SDHAF3: variants seen among roughly 807,000 people sequenced by gnomAD.
SDHAF3 encodes the protein succinate dehydrogenase complex assembly factor 3, also known as succinate dehydrogenase assembly factor 3, mitochondrial.
A neutral mutation model predicts 11.5 loss-of-function variants in SDHAF3; 18 were observed. The ratio of observed to expected loss-of-function variants is 1.56; its 90% CI spans 1.08 to 2.32. The LOEUF (loss-of-function observed/expected upper bound fraction) is 2.32, where lower values mean the gene tolerates loss of function less well. Among genes scored for constraint, SDHAF3 ranks in the 30% most tolerant of loss-of-function variants. The probability of loss-of-function intolerance (pLI) is 0.00; values close to 1 mark genes in which losing one functional copy is unlikely to be tolerated. For synonymous variants in SDHAF3, 72 were observed against 59.3 expected (o/e 1.21, Z -0.99); for missense variants, 200 against 154.4 (o/e 1.30, Z -1.57).
At chr7:97,178,184 A>G (rs1789714508) in intron 1 of SDHAF3, among the ~76,000 whole-genome samples, 1 of 152,214 alleles carries the variant, frequency 6.6e-6, no homozygotes, top group Non-Finnish European at 1.5e-5. Flanking sequence ...GCTTCTTAGC[A>G]TAATCTTTTT....
intron 1 of SDHAF3, among the ~76,000 whole-genome samples, chr7:97,134,413 CT>C (rs1324377664): frequency 6.6e-6 from 1 of 152,138 alleles, no homozygotes; most frequent in Non-Finnish European, 1.5e-5. Flanking sequence ...TCATTAAATG[CT>C]TTTATAAGAC....
At chr7:97,134,357 G>C (rs1584212713) in intron 1 of SDHAF3, among the ~76,000 whole-genome samples, 3 of 152,172 alleles carry the variant, frequency 2.0e-5, no homozygotes, top group Non-Finnish European at 4.4e-5. Context: ...GATTACTGGT[G>C]AATAACCAGA....
In SDHAF3 at chr7:97,181,341, A is replaced by G. The variant is rs1410081216; in HGVS notation, c.*126A>G. 1 of 698,524 alleles carries G rather than the reference A, an allele frequency of 1.4e-6. No homozygotes were observed. The highest frequency in any genetic ancestry group is 2.3e-6 in the Non-Finnish European group (1 of 427,336). The allele number at this position is 698,524 out of a possible 1,614,324, so 43.3% of individuals were successfully genotyped here. On this transcript the variant is annotated 3_prime_UTR_variant, in exon 2 of 2. Transcript: ENST00000432641. ...TTAATGAAATACTCTTTTATTTTGG[A>G]TATTATGATTGCAGTATATGGATCA...
intron 1 of SDHAF3, among the ~76,000 whole-genome samples, chr7:97,140,282 A>G (rs1407704520): frequency 6.6e-6 from 1 of 151,810 alleles, no homozygotes; most frequent in Admixed American, 6.6e-5. Flanking sequence ...TAATTCTTCA[A>G]ATGGTAAGAA....
intron 1 of SDHAF3, among the ~76,000 whole-genome samples, chr7:97,157,092 G>A (rs776757746): frequency 1.6e-4 from 24 of 152,034 alleles, no homozygotes; most frequent in Non-Finnish European, 1.5e-5. Flanking sequence ...TACGAATTCT[G>A]TTATTTTTCC....
Position 97,121,943 on chromosome 7 carries a change from C to T in SDHAF3, c.174+4046C>T, listed in dbSNP as rs376584748. On this transcript the variant is annotated intron_variant, in intron 1 of 1. Coordinates refer to ENST00000432641, the MANE Select transcript of SDHAF3 (RefSeq NM_020186.3). ...CGTGATCTCAGCTTACTGCAAACTC[C>T]GCCTCCCAGGTTCATGCCATTCTCC... Among the ~76,000 whole-genome samples the T allele has an allele frequency of 1.1e-3, 162 of 151,446 alleles. 1 individual carries two copies. The South Asian group carries it at 0.022, about 21-fold the overall frequency.
At position 97,127,478 on chromosome 7, in the gene SDHAF3, T is replaced by C. The variant is rs533028539; in HGVS notation, c.174+9581T>C. Among the ~76,000 whole-genome samples the C allele has an allele frequency of 7.9e-5, 12 of 152,320 alleles. 1 individual carries two copies. In the South Asian group the frequency reaches 2.5e-3, roughly 32 times the overall value. ...GGTAGCCATTCCTTTGTAACTCTCA[T>C]GGGATGTCTTTTTCTTATATATGAT... is the stretch of plus-strand genomic sequence containing the variant. On this transcript the variant is annotated intron_variant, in intron 1 of 1. Transcript: ENST00000432641.
chr7:97,177,194 A>C (rs1196180517), intron 1 of SDHAF3, among the ~76,000 whole-genome samples: 3 of 152,200 alleles, frequency 2.0e-5, no homozygotes, highest in Admixed American at 6.5e-5. Flanking sequence ...ATTAAAATTC[A>C]TAAAACTTTA....
intron 1 of SDHAF3, among the ~76,000 whole-genome samples, chr7:97,138,928 C>T (rs1788975586): frequency 6.6e-6 from 1 of 152,214 alleles, no homozygotes; most frequent in Admixed American, 6.5e-5. Context: ...CTGGCTTGCA[C>T]TCTGGCCCAG....
At chr7:97,135,579 A>G (rs78913221) in intron 1 of SDHAF3, 8,242 of 115,868 alleles carry the variant, frequency 0.071, 611 homozygotes, top group East Asian at 0.32. Flanking sequence ...GCTAGTCCCC[A>G]TATGTGTGTG....
chr7:97,132,169 C>T (rs545434212), intron 1 of SDHAF3, among the ~76,000 whole-genome samples: 1 of 152,244 alleles, frequency 6.6e-6, no homozygotes, highest in African/African-American at 2.4e-5. Flanking sequence ...TCACAAAGGA[C>T]TTGAGGCAGA....
Position 97,178,001 on chromosome 7 carries a change from G to A in SDHAF3, c.175-3011G>A, listed in dbSNP as rs182916343. Among the ~76,000 whole-genome samples, 759 of 152,142 alleles carry A rather than the reference G, an allele frequency of 5.0e-3. 5 individuals carry two copies. Among genetic ancestry groups the A allele is most frequent in the Non-Finnish European group, 6.5e-3 (443 of 67,986 alleles). On this transcript the variant is annotated intron_variant, in intron 1 of 1. Coordinates refer to ENST00000432641, the MANE Select transcript of SDHAF3 (RefSeq NM_020186.3). ...GACACTGTAAATGATACATTGTAGAGACATTATTCTAGATTTTTCCTCACC... is the reference window on the plus strand; with the variant it reads ...GACACTGTAAATGATACATTGTAGAAACATTATTCTAGATTTTTCCTCACC...
chr7:97,121,208 CTG>C (rs1393686970), intron 1 of SDHAF3, among the ~76,000 whole-genome samples: 2 of 152,208 alleles, frequency 1.3e-5, no homozygotes, highest in Non-Finnish European at 2.9e-5. Flanking sequence ...AAAGTTCTGA[CTG>C]TGCTCATTTT....
chr7:97,181,030 T>C lies in SDHAF3; in HGVS notation c.193T>C (p.Leu65=). 2 of 1,613,890 alleles carry C rather than the reference T, an allele frequency of 1.2e-6. No individual in the cohort carries two copies. Among genetic ancestry groups the C allele is most frequent in the Non-Finnish European group, 1.7e-6 (2 of 1,179,870 alleles). Residue 65 remains leucine, a synonymous_variant, in exon 2 of 2, where the codon TTG becomes CTG. Coordinates refer to ENST00000432641, the MANE Select transcript of SDHAF3 (RefSeq NM_020186.3). ...TTTTTAGGTGTATGCAACAGCGTTA[T>C]TGCAACAGGCTAACGAAAACAGACA... ...QEWEVYATAL[L]QQANENRQNS... is the part of the protein sequence containing the mutation.
intron 1 of SDHAF3, among the ~76,000 whole-genome samples, chr7:97,146,898 C>T (rs1165587710): frequency 5.9e-5 from 9 of 151,538 alleles, no homozygotes; most frequent in African/African-American, 1.5e-4. Context: ...GCCATTCTCA[C>T]GCCTGGCTAA....
intron 1 of SDHAF3, among the ~76,000 whole-genome samples, chr7:97,133,197 T>A (rs965106673): frequency 2.0e-5 from 3 of 152,206 alleles, no homozygotes; most frequent in African/African-American, 7.2e-5. Context: ...CATTAGTATG[T>A]CTGCAGAAAA....
At chr7:97,179,641 G>T (rs1421407542) in intron 1 of SDHAF3, among the ~76,000 whole-genome samples, 1 of 151,998 alleles carries the variant, frequency 6.6e-6, no homozygotes, top group East Asian at 1.9e-4. Context: ...GGGTGTTACT[G>T]CCATCTGGTG....
intron 1 of SDHAF3, among the ~76,000 whole-genome samples, chr7:97,157,126 C>T (rs552786555): frequency 6.6e-6 from 1 of 152,254 alleles, no homozygotes. Flanking sequence ...GATTGCCTTG[C>T]TGTGTATAAT....
intron 1 of SDHAF3, among the ~76,000 whole-genome samples, chr7:97,156,503 C>G (rs1186550104): frequency 6.6e-6 from 1 of 152,128 alleles, no homozygotes; most frequent in East Asian, 1.9e-4. Context: ...TTATGGGCAT[C>G]TTTTGAAGTT....
Sources: allele counts gnomAD v4.1 joint callset (sites outside exome capture counted in the v4.1 genomes callset), GRCh38; gene constraint gnomAD v4.1.1; transcripts MANE v1.5; gene names NCBI Gene and HGNC (gene_info 2026-07-23, HGNC 2026-07-21).